Variants in SORCS2 observed in about 807,000 individuals in gnomAD.
SORCS2 encodes sortilin related VPS10 domain containing receptor 2.
In SORCS2, 100 loss-of-function variants were observed where a neutral mutation model predicts 141.6. The ratio of observed to expected loss-of-function variants is 0.71; its 90% CI spans 0.60 to 0.83. SORCS2 has a LOEUF of 0.83. Ranked by LOEUF, SORCS2 falls within the 40% of genes least tolerant of loss-of-function variation. The probability of loss-of-function intolerance (pLI) is 0.00; values close to 1 mark genes in which losing one functional copy is unlikely to be tolerated. For synonymous variants in SORCS2, 789 were observed against 676.9 expected (o/e 1.17, Z -2.57); for missense variants, 1,646 against 1,560.2 (o/e 1.05, Z -0.93).
chr4:7,209,586 C>T (rs528128786), intron 1 of SORCS2, among the ~76,000 whole-genome samples: 2 of 152,128 alleles, frequency 1.3e-5, no homozygotes, highest in African/African-American at 4.8e-5. Context: ...TGGGTGGGCT[C>T]GTCCCCTTCT....
At chr4:7,451,124 ATGAG>A (rs564872319) in intron 2 of SORCS2, among the ~76,000 whole-genome samples, 17 of 152,276 alleles carry the variant, frequency 1.1e-4, no homozygotes, top group South Asian at 6.2e-4. Context: ...GAATGAACGA[ATGAG>A]TGAGTGAGGG....
chr4:7,571,063 G>C (rs911744898), intron 3 of SORCS2, among the ~76,000 whole-genome samples: 2 of 152,198 alleles, frequency 1.3e-5, no homozygotes, highest in Non-Finnish European at 2.9e-5. Flanking sequence ...TCCCCAGCTG[G>C]AGCGTCCTGG....
chr4:7,314,845 T>G (rs867179690), intron 1 of SORCS2, among the ~76,000 whole-genome samples: 2 of 149,356 alleles, frequency 1.3e-5, no homozygotes, highest in East Asian at 3.9e-4. Context: ...TGTTGTTGTT[T>G]TTGTTGTTGT....
chr4:7,267,252 C>T (rs1266057373), intron 1 of SORCS2, among the ~76,000 whole-genome samples: 1 of 152,182 alleles, frequency 6.6e-6, no homozygotes, highest in Non-Finnish European at 1.5e-5. Flanking sequence ...TACTTCTTCC[C>T]TGTTTTACCT....
intron 3 of SORCS2, among the ~76,000 whole-genome samples, chr4:7,556,610 C>A (rs1405983842): frequency 6.6e-6 from 1 of 152,120 alleles, no homozygotes; most frequent in Non-Finnish European, 1.5e-5. Flanking sequence ...AACATGTAGT[C>A]ATGTAACTAG....
intron 2 of SORCS2, among the ~76,000 whole-genome samples, chr4:7,478,617 T>A (rs1473245984): frequency 6.6e-6 from 1 of 152,180 alleles, no homozygotes; most frequent in Admixed American, 6.5e-5. Context: ...GATTGAGCCA[T>A]GTGGACCTCC....
At chr4:7,446,450 T>G (rs552751364) in intron 2 of SORCS2, among the ~76,000 whole-genome samples, 3 of 152,268 alleles carry the variant, frequency 2.0e-5, no homozygotes, top group African/African-American at 4.8e-5. Flanking sequence ...AGGGTCATCA[T>G]TGAGTATTTG....
intron 3 of SORCS2, among the ~76,000 whole-genome samples, chr4:7,536,386 G>C (rs1337258446): frequency 1.3e-5 from 2 of 152,214 alleles, no homozygotes; most frequent in Non-Finnish European, 2.9e-5. Flanking sequence ...AATGCATTTA[G>C]ATGCTGAAAA....
chr4:7,315,734 A>G (rs1718510339), intron 1 of SORCS2, among the ~76,000 whole-genome samples: 1 of 152,172 alleles, frequency 6.6e-6, no homozygotes, highest in Non-Finnish European at 1.5e-5. Flanking sequence ...CTCACCTCTG[A>G]AGGTCCTTGG....
intron 3 of SORCS2, among the ~76,000 whole-genome samples, chr4:7,619,413 C>G (rs1042186353): frequency 6.6e-6 from 1 of 152,158 alleles, no homozygotes; most frequent in Non-Finnish European, 1.5e-5. Flanking sequence ...GTGGCTTCCC[C>G]AGACATTTCC....
At chr4:7,499,204 CTGAG>C (rs1731813247) in intron 2 of SORCS2, among the ~76,000 whole-genome samples, 2 of 152,018 alleles carry the variant, frequency 1.3e-5, no homozygotes, top group African/African-American at 4.8e-5. Context: ...GTACATGTGT[CTGAG>C]TGTGTGCACG....
intron 2 of SORCS2, among the ~76,000 whole-genome samples, chr4:7,473,032 T>C (rs1730077528): frequency 6.6e-6 from 1 of 152,160 alleles, no homozygotes; most frequent in South Asian, 2.1e-4. Context: ...TTTTGCATGC[T>C]AGACACGGTA....
chr4:7,699,420 G>GGT (rs1165336424), intron 12 of SORCS2, among the ~76,000 whole-genome samples: 3 of 152,132 alleles, frequency 2.0e-5, no homozygotes, highest in African/African-American at 7.2e-5. Flanking sequence ...TGGAGAGGAG[G>GGT]GTGGCTGGGG....
At chr4:7,313,384 G>A (rs1280818643) in intron 1 of SORCS2, among the ~76,000 whole-genome samples, 1 of 152,216 alleles carries the variant, frequency 6.6e-6, no homozygotes, top group East Asian at 1.9e-4. Context: ...CACCGTCTGG[G>A]GGAAGACAGG....
intron 2 of SORCS2, among the ~76,000 whole-genome samples, chr4:7,404,856 T>G (rs2109137410): frequency 6.6e-6 from 1 of 152,322 alleles, no homozygotes. Flanking sequence ...CTTTTCAGTT[T>G]AATTAAGGCC....
At chr4:7,253,826 TG>T (rs1241575919) in intron 1 of SORCS2, among the ~76,000 whole-genome samples, 1 of 152,182 alleles carries the variant, frequency 6.6e-6, no homozygotes, top group African/African-American at 2.4e-5. Flanking sequence ...CGGGATTCCG[TG>T]GATGGAATTT....
chr4:7,410,841 C>G (rs570937878), intron 2 of SORCS2, among the ~76,000 whole-genome samples: 13 of 151,772 alleles, frequency 8.6e-5, no homozygotes, highest in African/African-American at 2.4e-4. Context: ...CTTGAGGTGC[C>G]TTTAAAATGT....
At chr4:7,513,927 C>T (rs775269395) in intron 2 of SORCS2, among the ~76,000 whole-genome samples, 36 of 152,272 alleles carry the variant, frequency 2.4e-4, no homozygotes, top group African/African-American at 6.3e-4. Context: ...AGGCGGGTGA[C>T]GTGGTCGTGC....
chr4:7,244,595 C>T (rs1438207161), intron 1 of SORCS2, among the ~76,000 whole-genome samples: 1 of 152,240 alleles, frequency 6.6e-6, no homozygotes. Flanking sequence ...GGCCTTGGCA[C>T]TGCACCCCTG....
Sources: gnomAD v4.1 joint callset for allele counts (sites outside exome capture counted in the v4.1 genomes callset) on GRCh38, gnomAD v4.1.1 for gene constraint, MANE v1.5 for transcripts, NCBI Gene and HGNC (gene_info 2026-07-23, HGNC 2026-07-21) for gene names.